Variants in STRBP observed in about 807,000 individuals in gnomAD.
The protein encoded by STRBP is spermatid perinuclear RNA-binding protein.
In STRBP, 13 loss-of-function variants were observed where a neutral mutation model predicts 80.1. That is an observed-to-expected ratio of 0.16 (90% CI 0.11 to 0.26). STRBP has a LOEUF of 0.26. Ranked by LOEUF, STRBP falls within the 10% of genes least tolerant of loss-of-function variation. STRBP has a pLI of 1.00. For missense variants in STRBP, 485 were observed against 815.2 expected (o/e 0.59, Z 4.93); for synonymous variants, 284 against 291.2 (o/e 0.98, Z 0.25).
intron 1 of STRBP, among the ~76,000 whole-genome samples, chr9:123,262,894 C>A (rs1020338133): frequency 6.6e-6 from 1 of 152,228 alleles, no homozygotes; most frequent in African/African-American, 2.4e-5. Context: ...AAGATTAACA[C>A]AACTTTCAGG....
At chr9:123,219,884 T>C (rs2040015125) in intron 2 of STRBP, among the ~76,000 whole-genome samples, 1 of 152,174 alleles carries the variant, frequency 6.6e-6, no homozygotes, top group African/African-American at 2.4e-5. Flanking sequence ...ATATTAACAA[T>C]GGATCCAGAA....
At chr9:123,162,288 G>A (rs946935385) in intron 6 of STRBP, among the ~76,000 whole-genome samples, 10 of 151,206 alleles carry the variant, frequency 6.6e-5, no homozygotes, top group East Asian at 3.9e-4. Context: ...GCACTGGCAC[G>A]ATCTCAGCTC....
intron 11 of STRBP, among the ~76,000 whole-genome samples, chr9:123,150,804 T>C (rs2037024170): frequency 6.6e-6 from 1 of 152,132 alleles, no homozygotes; most frequent in Admixed American, 6.6e-5. Flanking sequence ...ACACACTGGG[T>C]TGGGCCTCTG....
intron 1 of STRBP, among the ~76,000 whole-genome samples, chr9:123,245,992 G>GT (rs1423344719): frequency 6.6e-6 from 1 of 152,226 alleles, no homozygotes; most frequent in Non-Finnish European, 1.5e-5. Context: ...CGGCAATGGA[G>GT]TTTGAGTCTG....
Position 123,110,170 on chromosome 9 carries a change from C to G in STRBP, c.*85-417G>C, listed in dbSNP as rs1334331827. On this transcript the variant is annotated intron_variant and NMD_transcript_variant, in intron 3 of 3. Transcript: ENST00000471564. The surrounding 1 kb of genome is among the most constrained non-coding windows in gnomAD (Gnocchi z 4.1). ...GGCTTCAGGTCTAGACTGGCTGCAC[C>G]TCCCACCTTCCCAGACAGAGTTCTG... is the stretch of plus-strand genomic sequence containing the variant. 5 of 152,238 alleles carry G rather than the reference C, an allele frequency of 3.3e-5. No homozygotes were observed. The highest frequency in any genetic ancestry group is 1.2e-4 in the African/African-American group (5 of 41,416). The allele number at this position is 152,238 out of a possible 1,614,324, so 9.4% of individuals were successfully genotyped here.
intron 2 of STRBP, among the ~76,000 whole-genome samples, chr9:123,223,751 T>C (rs2132560654): frequency 6.6e-6 from 1 of 152,300 alleles, no homozygotes; most frequent in Non-Finnish European, 1.5e-5. Context: ...TGGATTTTTT[T>C]CCTCTTCCAC....
chr9:123,198,363 C>T (rs1455925171), intron 2 of STRBP, among the ~76,000 whole-genome samples: 1 of 152,026 alleles, frequency 6.6e-6, no homozygotes, highest in Non-Finnish European at 1.5e-5. Flanking sequence ...GTCTTTAACT[C>T]CTGACATCAG....
chr9:123,229,787 G>C (rs554573087), intron 2 of STRBP, among the ~76,000 whole-genome samples: 1 of 152,074 alleles, frequency 6.6e-6, no homozygotes, highest in African/African-American at 2.4e-5. Context: ...AAAAGGAAGG[G>C]GTCGGAATAA....
At chr9:123,215,236 T>C (rs1383225517) in intron 2 of STRBP, among the ~76,000 whole-genome samples, 2 of 151,814 alleles carry the variant, frequency 1.3e-5, no homozygotes, top group Admixed American at 6.6e-5. Context: ...AACTGTTTTA[T>C]TGTAGAGACA....
intron 18 of STRBP, 93 bp downstream of exon 18, chr9:123,128,121 T>C: frequency 1.4e-6 from 2 of 1,454,582 alleles, no homozygotes; most frequent in Non-Finnish European, 9.6e-7. Flanking sequence ...TCTGAGATCC[T>C]CCAATTAATT....
chr9:123,137,649 C>T (rs1454713365), intron 14 of STRBP, among the ~76,000 whole-genome samples: 2 of 152,160 alleles, frequency 1.3e-5, no homozygotes, highest in African/African-American at 4.8e-5. Context: ...CTCAGGTGAT[C>T]CGCCTGCCTC....
chr9:123,121,848 G>T lies in STRBP; in HGVS notation c.*3749C>A, dbSNP rs2035743892. 1 of 152,378 alleles carries T rather than the reference G, an allele frequency of 6.6e-6. No individual in the cohort carries two copies. Among genetic ancestry groups the T allele is most frequent in the Non-Finnish European group, 1.5e-5 (1 of 68,466 alleles). 9.4% of individuals were successfully genotyped at this position (152,378 alleles called of 1,614,324 possible). Reference sequence around the variant, plus strand: ...ACTGCTTTGGCCAAAAGAGTGCCCTGTCATTAAAATCTTCTTAGATGAACT... The same window carrying T: ...ACTGCTTTGGCCAAAAGAGTGCCCTTTCATTAAAATCTTCTTAGATGAACT... On this transcript the variant is annotated 3_prime_UTR_variant, in exon 19 of 19. Transcript: ENST00000348403.
chr9:123,145,743 C>G (rs1396172463), intron 13 of STRBP, among the ~76,000 whole-genome samples: 1 of 152,120 alleles, frequency 6.6e-6, no homozygotes, highest in Admixed American at 6.5e-5. Context: ...TAGTCTTATT[C>G]CTGGATTTAC....
At chr9:123,247,324 G>A (rs1159661799) in intron 1 of STRBP, among the ~76,000 whole-genome samples, 1 of 152,058 alleles carries the variant, frequency 6.6e-6, no homozygotes, top group Non-Finnish European at 1.5e-5. Context: ...CTGGAGTACA[G>A]TGCCACAATC....
intron 1 of STRBP, among the ~76,000 whole-genome samples, chr9:123,254,157 T>C (rs533412669): frequency 6.6e-6 from 1 of 152,228 alleles, no homozygotes; most frequent in East Asian, 1.9e-4. Context: ...GCTACGTTCA[T>C]TTAAGATTTC....
chr9:123,209,083 T>C (rs2039621160), intron 2 of STRBP, among the ~76,000 whole-genome samples: 1 of 152,204 alleles, frequency 6.6e-6, no homozygotes, highest in African/African-American at 2.4e-5. Flanking sequence ...GTGCAGCCTG[T>C]TGCCCAAAGC....
At chr9:123,165,412 G>C (rs2037712745) in intron 6 of STRBP, among the ~76,000 whole-genome samples, 1 of 151,878 alleles carries the variant, frequency 6.6e-6, no homozygotes, top group African/African-American at 2.4e-5. Context: ...ACCCTAGCAA[G>C]ACACATGCTA....
chr9:123,176,656 A>G (rs908388943), intron 4 of STRBP, among the ~76,000 whole-genome samples: 1 of 152,222 alleles, frequency 6.6e-6, no homozygotes, highest in Admixed American at 6.5e-5. Context: ...TTATTAGCTC[A>G]GTTATTAAAT....
chr9:123,235,584 C>CAAAAAAAAA (rs71390421), intron 2 of STRBP, among the ~76,000 whole-genome samples: 1 of 36,530 alleles, frequency 2.7e-5, no homozygotes. Flanking sequence ...ACAAGTTCAG[C>CAAAAAAAAA]AAAAAAAAAA....
Sources: gnomAD v4.1 joint callset for allele counts (sites outside exome capture counted in the v4.1 genomes callset) on GRCh38, gnomAD v4.1.1 for gene constraint, Gnocchi (gnomAD v3.1) non-coding constraint, MANE v1.5 for transcripts, NCBI Gene and HGNC (gene_info 2026-07-23, HGNC 2026-07-21) for gene names.